Variants in DOP1B observed in about 807,000 individuals in gnomAD.
DOP1B encodes the protein protein DOP1B.
DOP1B carries 174 observed loss-of-function variants against 233.5 expected under a neutral mutation model. The observed-to-expected ratio is 0.75, with a 90% CI of 0.66 to 0.85. The LOEUF (loss-of-function observed/expected upper bound fraction) is 0.85. Among genes scored for constraint, DOP1B ranks in the 40% least tolerant of loss-of-function variants. DOP1B has a pLI of 0.00. For missense variants in DOP1B, 2,652 were observed against 2,846.6 expected (o/e 0.93, Z 1.56); for synonymous variants, 1,190 against 1,185.6 (o/e 1.00, Z -0.08).
chr21:36,267,115 G>A (rs1174676417), intron 26 of DOP1B, among the ~76,000 whole-genome samples: 1 of 152,192 alleles, frequency 6.6e-6, no homozygotes, highest in African/African-American at 2.4e-5. Flanking sequence ...CGGATGTCAA[G>A]GATTATAGCC....
At chr21:36,229,646 T>A (rs1393289955) in intron 13 of DOP1B, among the ~76,000 whole-genome samples, 2 of 150,254 alleles carry the variant, frequency 1.3e-5, no homozygotes, top group Non-Finnish European at 3.0e-5. Context: ...TACACTATTC[T>A]CTGACTTGCT....
At chr21:36,161,698 G>A (rs1201194545) in intron 1 of DOP1B, among the ~76,000 whole-genome samples, 2 of 152,080 alleles carry the variant, frequency 1.3e-5, no homozygotes, top group Admixed American at 6.6e-5. Flanking sequence ...TGCAAGCATC[G>A]CCATCATCCC....
chr21:36,199,920 A>G (rs1176154604), intron 3 of DOP1B, among the ~76,000 whole-genome samples: 2 of 152,136 alleles, frequency 1.3e-5, no homozygotes, highest in African/African-American at 2.4e-5. Flanking sequence ...TCTTTATAGC[A>G]GTTTGATTTA....
intron 4 of DOP1B, among the ~76,000 whole-genome samples, chr21:36,206,115 G>A (rs1252213362): frequency 2.0e-5 from 3 of 152,126 alleles, no homozygotes; most frequent in East Asian, 1.9e-4. Flanking sequence ...AAGTTATTTC[G>A]TTTTTAACCC....
At position 36,224,470 on chromosome 21, in the gene DOP1B, G is replaced by A. The variant is rs550734980; in HGVS notation, c.1371-1095G>A. Among the ~76,000 whole-genome samples, 65 of 151,464 alleles carry A rather than the reference G, an allele frequency of 4.3e-4. 2 individuals are homozygous for A. The South Asian group carries it at 0.012, about 27-fold the overall frequency. On this transcript the variant is annotated intron_variant, in intron 11 of 36. Coordinates refer to ENST00000691173, the MANE Select transcript of DOP1B (RefSeq NM_001320714.2). ...GCTGGGATTACAGGCATGAGCCGCC[G>A]CATCTGGCCATCCTGGTTATTAAAA... is the stretch of plus-strand genomic sequence containing the variant.
chr21:36,245,820 C>A lies in DOP1B; in HGVS notation c.3840C>A (p.Asn1280Lys). The change falls in exon 19 of 37, where the codon AAC becomes AAA. Residue 1280 changes from asparagine (N) to lysine (K), a missense_variant. Coordinates refer to ENST00000691173, the MANE Select transcript of DOP1B (RefSeq NM_001320714.2). The surrounding 1 kb of genome is among the most constrained non-coding windows in gnomAD (Gnocchi z 5.5). ...SSTAHLNLIS[N>K]LLARHQEALI... ...CCGCGCACCTCAACCTCATCTCCAA[C>A]CTCCTCGCTCGCCACCAGGAGGCCC... 1 of 1,613,954 alleles carries A rather than the reference C, an allele frequency of 6.2e-7. No homozygotes were observed. Among genetic ancestry groups the A allele is most frequent in the Non-Finnish European group, 8.5e-7 (1 of 1,179,982 alleles).
At chr21:36,210,932 C>T (rs1301023011) in intron 5 of DOP1B, among the ~76,000 whole-genome samples, 1 of 152,220 alleles carries the variant, frequency 6.6e-6, no homozygotes, top group Non-Finnish European at 1.5e-5. Context: ...GCAGGCCCTG[C>T]GCTCCCACAC....
At chr21:36,247,396 G>A (rs1273567149) in intron 19 of DOP1B, 121 bp from the exon 20 acceptor site, 3 of 515,486 alleles carry the variant, frequency 5.8e-6, no homozygotes, top group Non-Finnish European at 1.0e-5. Context: ...TATGACGAGA[G>A]CTCCAGTTTA....
In DOP1B at chr21:36,237,370, A is replaced by T; in HGVS notation, c.2731A>T (p.Ile911Phe). The T allele has an allele frequency of 6.2e-7, 1 of 1,614,182 alleles. No individual in the cohort carries two copies. Among genetic ancestry groups the T allele is most frequent in the Non-Finnish European group, 8.5e-7 (1 of 1,180,034 alleles). ...GCACTGCCTGGCCCCTACGGCCAAC[A>T]TCTGCGAGGACATCATCTGCCATGC... ...RLHCLAPTANICEDIICHALL... is the reference protein window; with the variant it reads ...RLHCLAPTANFCEDIICHALL... The change falls in exon 16 of 37, where the codon ATC becomes TTC. Residue 911 changes from isoleucine to phenylalanine, a missense_variant. Ile to Phe is a conservative substitution (Grantham distance 21). Transcript: ENST00000691173.
intron 29 of DOP1B, 42 bp from the exon 30 acceptor site, chr21:36,278,167 A>G (rs377260857): frequency 6.2e-7 from 1 of 1,613,572 alleles, no homozygotes; most frequent in Non-Finnish European, 8.5e-7. Context: ...TTCCTTGGAC[A>G]GTCCTTGACC....
In DOP1B at chr21:36,245,431, G is replaced by A; in HGVS notation, c.3451G>A (p.Gly1151Arg). 2 of 1,613,988 alleles carry A rather than the reference G, an allele frequency of 1.2e-6. No homozygotes were observed. The highest frequency in any genetic ancestry group is 4.5e-5 in the East Asian group (2 of 44,884). ...GAACTGCTGTGCACCCATCCCCATG[G>A]GGGGCAGGGCGTACCCCAAGCGCTC... The part of the protein sequence containing the change: ...EENCCAPIPM[G>R]GRAYPKRSAL... The change falls in exon 19 of 37, where the codon GGG becomes AGG. Residue 1151 changes from glycine to arginine, a missense_variant. Around this residue, in one of 3 missense-constraint regions of DOP1B, gnomAD observed 2,617 missense variants for 2,794.3 expected, o/e 0.94. Coordinates refer to ENST00000691173, the MANE Select transcript of DOP1B (RefSeq NM_001320714.2). The surrounding 1 kb of genome is among the most constrained non-coding windows in gnomAD (Gnocchi z 5.5).
chr21:36,192,802 C>G (rs529694001), intron 2 of DOP1B, among the ~76,000 whole-genome samples: 2 of 152,250 alleles, frequency 1.3e-5, no homozygotes, highest in South Asian at 2.1e-4. Context: ...ATTCTCCTGC[C>G]TCAGCCTCCC....
chr21:36,209,588 A>ACCCCCTCCTCCCTTGGCGTCCT (rs2066469172), intron 5 of DOP1B, among the ~76,000 whole-genome samples: 1 of 151,088 alleles, frequency 6.6e-6, no homozygotes, highest in Non-Finnish European at 1.5e-5. Context: ...ACACATGGAA[A>ACCCCCTCCTCCCTTGGCGTCCT]CCCCCTCCTC....
At position 36,293,567 on chromosome 21, in the gene DOP1B, G is replaced by C. The variant is rs1385261221; in HGVS notation, c.6893G>C (p.Cys2298Ser). The change falls in exon 37 of 37, where the codon TGT becomes TCT. Residue 2298 changes from cysteine to serine, a missense_variant. By Grantham distance (112) the Cys-to-Ser change is moderately radical. Coordinates refer to ENST00000691173, the MANE Select transcript of DOP1B (RefSeq NM_001320714.2). Reference protein sequence around the residue: ...IEYDFLEHPEC With the variant: ...IEYDFLEHPES ...TATGATTTTCTGGAACATCCAGAAT[G>C]TTAACCATGTGAGAGAGAATATGTT... The C allele has an allele frequency of 5.6e-6, 9 of 1,613,950 alleles. No homozygotes were observed. The South Asian group carries it at 9.9e-5, about 18-fold the overall frequency.
intron 2 of DOP1B, among the ~76,000 whole-genome samples, chr21:36,179,976 C>G (rs73374942): frequency 0.013 from 2,012 of 152,280 alleles, 43 homozygotes; most frequent in African/African-American, 0.046. Context: ...TTGCCCCTCT[C>G]CTCTGCCTGC....
At chr21:36,208,614 C>T (rs1318296728) in intron 4 of DOP1B, 101 bp from the exon 5 acceptor site, 10 of 1,294,432 alleles carry the variant, frequency 7.7e-6, no homozygotes, top group South Asian at 3.0e-5. Context: ...CCCAGCCAGG[C>T]GAATCCGCTG....
chr21:36,286,673 CAA>C (rs34773143), intron 32 of DOP1B, among the ~76,000 whole-genome samples: 1 of 117,800 alleles, frequency 8.5e-6, no homozygotes, highest in South Asian at 2.8e-4. Context: ...CACACACACA[CAA>C]AACTGACTGA....
chr21:36,206,975 T>C (rs1185858047), intron 4 of DOP1B, among the ~76,000 whole-genome samples: 1 of 152,162 alleles, frequency 6.6e-6, no homozygotes, highest in Non-Finnish European at 1.5e-5. Flanking sequence ...GAACAAAATG[T>C]ACTTTTAATA....
At chr21:36,215,752 C>T (rs926272560) in intron 9 of DOP1B, among the ~76,000 whole-genome samples, 3 of 150,586 alleles carry the variant, frequency 2.0e-5, no homozygotes, top group African/African-American at 7.3e-5. Flanking sequence ...CGGTGGCTCA[C>T]ACCTGTGATC....
Sources: allele counts gnomAD v4.1 joint callset (sites outside exome capture counted in the v4.1 genomes callset), GRCh38; gene constraint gnomAD v4.1.1; regional missense constraint gnomAD v4.1.1; non-coding constraint Gnocchi (gnomAD v3.1); transcripts MANE v1.5; gene names NCBI Gene and HGNC (gene_info 2026-07-23, HGNC 2026-07-21).